Variants in RAB3GAP2 observed in about 807,000 individuals in gnomAD.
The protein encoded by RAB3GAP2 is RAB3 GTPase activating non-catalytic protein subunit 2, also known as rab3 GTPase-activating protein non-catalytic subunit.
Under a neutral mutation model 185.3 loss-of-function variants are expected in RAB3GAP2, and 87 were observed. The observed-to-expected ratio is 0.47, with a 90% CI of 0.39 to 0.56. The LOEUF (loss-of-function observed/expected upper bound fraction) is 0.56. RAB3GAP2 is among the 20% of genes least tolerant of loss of function. The probability of loss-of-function intolerance (pLI) is 0.00; values close to 1 mark genes in which losing one functional copy is unlikely to be tolerated. For missense variants in RAB3GAP2, 1,492 were observed against 1,638.2 expected (o/e 0.91, Z 1.54); for synonymous variants, 554 against 576.1 (o/e 0.96, Z 0.55).
Position 220,164,808 on chromosome 1 carries a change from C to T in RAB3GAP2, c.3088-9G>A, listed in dbSNP as rs775350528. On this transcript the variant is annotated splice_polypyrimidine_tract_variant and intron_variant, in intron 26 of 34. Transcript: ENST00000358951. ...ACAAAAAAACGTGCTTCCTTACATA[C>T]AGGGAGAAAAAAACGAGAAAGAAAA... 2.5e-6 allele frequency: 4 copies of T among 1,604,312 alleles called. No individual in the cohort carries two copies. The highest frequency in any genetic ancestry group is 3.4e-6 in the Non-Finnish European group (4 of 1,174,052).
At chr1:220,252,951 C>T (rs1373001625) in intron 1 of RAB3GAP2, among the ~76,000 whole-genome samples, 1 of 152,178 alleles carries the variant, frequency 6.6e-6, no homozygotes, top group Admixed American at 6.5e-5. Context: ...CAAGTTAAGA[C>T]CCACTGGCTT....
rs534754795 is a variant in RAB3GAP2, at chr1:220,164,669, TC to T, written c.3154+63del. ...TAGGTTGTAAATCTTTAAATTCACA[TC>T]CTGTTAAATCAGGAAGCCTCTTTTA... On this transcript the variant is annotated intron_variant, in intron 27 of 34. Transcript: ENST00000358951. 2.1e-5 allele frequency: 33 copies of T among 1,555,074 alleles called. No individual in the cohort carries two copies. The African/African-American group carries it at 3.5e-4, about 17-fold the overall frequency.
At chr1:220,209,967 C>T (rs1571902343) in intron 7 of RAB3GAP2, among the ~76,000 whole-genome samples, 3 of 152,080 alleles carry the variant, frequency 2.0e-5, no homozygotes, top group Non-Finnish European at 4.4e-5. Flanking sequence ...CTTAGTAACC[C>T]CTTTTCTGAG....
intron 21 of RAB3GAP2, among the ~76,000 whole-genome samples, chr1:220,180,327 A>C (rs1658377755): frequency 6.6e-6 from 1 of 152,150 alleles, no homozygotes; most frequent in African/African-American, 2.4e-5. Context: ...ATTGAGAATA[A>C]AAAAATTACA....
At chr1:220,229,604 C>T (rs1659461285) in intron 2 of RAB3GAP2, among the ~76,000 whole-genome samples, 1 of 152,162 alleles carries the variant, frequency 6.6e-6, no homozygotes, top group African/African-American at 2.4e-5. Flanking sequence ...TCTTTAAGGA[C>T]AACTTGCCTC....
intron 21 of RAB3GAP2, among the ~76,000 whole-genome samples, chr1:220,178,934 A>ATAC (rs1226144500): frequency 6.6e-6 from 1 of 152,124 alleles, no homozygotes; most frequent in Non-Finnish European, 1.5e-5. Context: ...AATAATAATA[A>ATAC]TAAAAAAAAG....
chr1:220,263,939 T>C (rs1660185288), intron 1 of RAB3GAP2, among the ~76,000 whole-genome samples: 1 of 152,096 alleles, frequency 6.6e-6, no homozygotes, highest in African/African-American at 2.4e-5. Flanking sequence ...TAATTTCTGT[T>C]ATACTATAAA....
chr1:220,246,390 T>C (rs1659816334), intron 1 of RAB3GAP2, among the ~76,000 whole-genome samples: 2 of 144,858 alleles, frequency 1.4e-5, no homozygotes, highest in South Asian at 2.3e-4. Flanking sequence ...GAACTAGAAA[T>C]ACCATTTGAC....
chr1:220,194,470 G>A (rs538776872), intron 12 of RAB3GAP2, among the ~76,000 whole-genome samples: 1 of 151,972 alleles, frequency 6.6e-6, no homozygotes, highest in African/African-American at 2.4e-5. Context: ...TCGGCTCACT[G>A]CAACCTCTGC....
At position 220,171,239 on chromosome 1, in the gene RAB3GAP2, T is replaced by C. The variant is rs559933137; in HGVS notation, c.2578-119A>G. Reference sequence around the variant, plus strand: ...GATACATCACAAAGCAACACATACATGCTATTTCACAAATATTACTACTTG... The same window carrying C: ...GATACATCACAAAGCAACACATACACGCTATTTCACAAATATTACTACTTG... On this transcript the variant is annotated intron_variant, in intron 23 of 34. Coordinates refer to ENST00000358951, the MANE Select transcript of RAB3GAP2 (RefSeq NM_012414.4). 1.7e-5 allele frequency: 15 copies of C among 884,690 alleles called. No individual in the cohort carries two copies. The East Asian group carries it at 3.4e-4, about 20-fold the overall frequency. The allele number at this position is 884,690 out of a possible 1,614,324, so 54.8% of individuals were successfully genotyped here. A position where few individuals can be genotyped will look rare whatever the true frequency, so the allele number is the denominator to read the frequency against.
chr1:220,181,364 C>CA (rs1360893362), intron 21 of RAB3GAP2, among the ~76,000 whole-genome samples: 1 of 152,062 alleles, frequency 6.6e-6, no homozygotes, highest in Non-Finnish European at 1.5e-5. Context: ...TTCCTGGAAC[C>CA]AATCTTCCAT....
chr1:220,267,005 T>A (rs1405642154), intron 1 of RAB3GAP2: 2 of 1,611,248 alleles, frequency 1.2e-6, no homozygotes, highest in South Asian at 1.1e-5. Flanking sequence ...TCATCATGCA[T>A]CCGACCTTCA....
chr1:220,254,606 T>A (rs1022562609), intron 1 of RAB3GAP2: 1 of 1,225,958 alleles, frequency 8.2e-7, no homozygotes, highest in Non-Finnish European at 1.2e-6. Flanking sequence ...GTCTATCTCT[T>A]GTACAAACAA....
At chr1:220,224,065 G>A (rs547855488) in intron 2 of RAB3GAP2, among the ~76,000 whole-genome samples, 2 of 150,904 alleles carry the variant, frequency 1.3e-5, no homozygotes, top group East Asian at 2.0e-4. Context: ...TATTCTGATG[G>A]AATAAGGCTA....
intron 1 of RAB3GAP2, among the ~76,000 whole-genome samples, chr1:220,252,409 C>T (rs189286730): frequency 5.3e-5 from 8 of 152,154 alleles, no homozygotes; most frequent in South Asian, 4.2e-4. Flanking sequence ...CTGAAATGGA[C>T]GATTAGAAGC....
At position 220,153,251 on chromosome 1, in the gene RAB3GAP2, T is replaced by C; in HGVS notation, c.3801A>G (p.Glu1267=). Reference sequence around the variant, plus strand: ...CCACATAATGCCTTCTAACAACATCTTCACTAACTTGAAGGTGATGGGCTA... The same window carrying C: ...CCACATAATGCCTTCTAACAACATCCTCACTAACTTGAAGGTGATGGGCTA... ...VDLAHHLQVS[E]DVVRRHYVGE... Residue 1267 remains glutamate, a synonymous_variant, in exon 33 of 35, where the codon GAA becomes GAG. Transcript: ENST00000358951. 6.2e-7 allele frequency: 1 copy of C among 1,614,174 alleles called. No homozygotes were observed.
chr1:220,252,406 G>A (rs1159127787), intron 1 of RAB3GAP2, among the ~76,000 whole-genome samples: 1 of 152,188 alleles, frequency 6.6e-6, no homozygotes, highest in Non-Finnish European at 1.5e-5. Context: ...GACCTGAAAT[G>A]GACGATTAGA....
At position 220,148,614 on chromosome 1, in the gene RAB3GAP2, TGTAA is replaced by T. The variant is rs1003328920; in HGVS notation, c.*2633_*2636del. On this transcript the variant is annotated 3_prime_UTR_variant, in exon 35 of 35. Transcript: ENST00000358951. ...ACTTCTAAATGAACATTATATTCAGTGTAAGTCTCATATTATTAAATTTCAGATT... is the reference window on the plus strand; with the variant it reads ...ACTTCTAAATGAACATTATATTCAGTGTCTCATATTATTAAATTTCAGATT... 2 of 152,210 alleles carry T rather than the reference TGTAA, an allele frequency of 1.3e-5. No homozygotes were observed. Among genetic ancestry groups the T allele is most frequent in the African/African-American group, 4.8e-5 (2 of 41,462 alleles). 9.4% of individuals were successfully genotyped at this position (152,210 alleles called of 1,614,324 possible). A position where few individuals can be genotyped will look rare whatever the true frequency, so the allele number is the denominator to read the frequency against.
chr1:220,196,215 GC>G (rs775881732), intron 10 of RAB3GAP2, 34 bp downstream of exon 10: 1 of 1,602,392 alleles, frequency 6.2e-7, no homozygotes, highest in Non-Finnish European at 8.5e-7. Flanking sequence ...AAAATCAAGA[GC>G]AGCCTTACTC....
Sources: gnomAD v4.1 joint callset for allele counts (sites outside exome capture counted in the v4.1 genomes callset) on GRCh38, gnomAD v4.1.1 for gene constraint, MANE v1.5 for transcripts, NCBI Gene and HGNC (gene_info 2026-07-23, HGNC 2026-07-21) for gene names.